LCK: variants seen among roughly 807,000 people sequenced by gnomAD.
LCK encodes LCK proto-oncogene, Src family tyrosine kinase.
Under a neutral mutation model 64.6 loss-of-function variants are expected in LCK, and 14 were observed. The observed-to-expected ratio is 0.22, with a 90% confidence interval of 0.14 to 0.34. The LOEUF is 0.34. LCK is among the 10% of genes least tolerant of loss of function. The probability of loss-of-function intolerance (pLI) is 1.00; values close to 1 mark genes in which losing one functional copy is unlikely to be tolerated. For synonymous variants in LCK, 277 were observed against 263.6 expected, an observed-to-expected ratio of 1.05 and a Z score of -0.49; for missense variants, 434 against 668.1, an observed-to-expected ratio of 0.65 and a Z score of 3.86.
intron 1 of LCK, among the ~76,000 whole-genome samples, chr1:32,257,818 C>T (rs910049300): frequency 6.6e-6 from 1 of 152,128 alleles, no homozygotes; most frequent in Non-Finnish European, 1.5e-5. Flanking sequence ...TACTAAAATA[C>T]CAATTAGAAT....
intron 1 of LCK, among the ~76,000 whole-genome samples, chr1:32,270,799 G>A (rs1640060562): frequency 6.7e-6 from 1 of 148,596 alleles, no homozygotes; most frequent in South Asian, 2.1e-4. Flanking sequence ...TACCTCCTGG[G>A]TTTAAGCGAT....
At position 32,280,203 on chromosome 1, in the gene LCK, T is replaced by C; in HGVS notation, c.1320T>C (p.Pro440=). The change falls in exon 12 of 13, where the codon CCT becomes CCC. Residue 440 remains proline, a synonymous_variant. Coordinates refer to ENST00000336890, the MANE Select transcript of LCK (RefSeq NM_005356.5). ...AAATTGTCACCCACGGCCGCATCCC[T>C]TACCCAGGTTAGAGCCAAGGGCAGG... ...LTEIVTHGRI[P]YPGMTNPEVI... 2 of 1,614,048 alleles carry C rather than the reference T, an allele frequency of 1.2e-6. No homozygotes were observed. Among genetic ancestry groups the C allele is most frequent in the Non-Finnish European group, 1.7e-6 (2 of 1,179,994 alleles).
intron 12 of LCK, among the ~76,000 whole-genome samples, chr1:32,281,604 A>G (rs950707066): frequency 6.6e-6 from 1 of 152,108 alleles, no homozygotes; most frequent in Non-Finnish European, 1.5e-5. Flanking sequence ...GAATTCAGCC[A>G]AGACAGGGAT....
intron 1 of LCK, among the ~76,000 whole-genome samples, chr1:32,256,970 G>A (rs1285435875): frequency 1.3e-5 from 2 of 152,164 alleles, no homozygotes; most frequent in African/African-American, 4.8e-5. Flanking sequence ...ACGTGAAAAG[G>A]TAGCCCGTGG....
At chr1:32,280,851 C>G (rs1328608853) in intron 12 of LCK, among the ~76,000 whole-genome samples, 5 of 152,214 alleles carry the variant, frequency 3.3e-5, no homozygotes, top group Admixed American at 6.5e-5. Context: ...AGATCTGCCA[C>G]TGTTGCTAAC....
intron 1 of LCK, among the ~76,000 whole-genome samples, chr1:32,265,102 G>A (rs1188833719): frequency 6.6e-6 from 1 of 151,908 alleles, no homozygotes; most frequent in African/African-American, 2.4e-5. Context: ...AGCTGCTCGG[G>A]AGGCTGAGGC....
At position 32,275,139 on chromosome 1, in the gene LCK, C is replaced by T; in HGVS notation, c.278+56C>T. ...GTCCGTGAGGGAGCGGCGATCTCCG[C>T]GACCCGCAGCCCTCCTGCGGCCCTT... On this transcript the variant is annotated intron_variant, in intron 4 of 12. Coordinates refer to ENST00000336890, the MANE Select transcript of LCK (RefSeq NM_005356.5). The surrounding 1 kb of genome is among the most constrained non-coding windows in gnomAD (Gnocchi z 6.9). 2 of 1,530,634 alleles carry T rather than the reference C, an allele frequency of 1.3e-6. No individual in the cohort carries two copies. The highest frequency in any genetic ancestry group is 9.0e-7 in the Non-Finnish European group (1 of 1,115,126). 94.8% of individuals were successfully genotyped at this position (1,530,634 alleles called of 1,614,324 possible).
chr1:32,266,604 C>T (rs573789447), intron 1 of LCK, among the ~76,000 whole-genome samples: 7 of 149,320 alleles, frequency 4.7e-5, no homozygotes, highest in African/African-American at 1.2e-4. Context: ...CCTCCTCCTC[C>T]GCCACCACCA....
chr1:32,281,469 AAAAAAG>A lies in LCK; in HGVS notation c.1327+1277_1327+1282del, dbSNP rs887309727. 1.5e-4 allele frequency among the ~76,000 whole-genome samples: 22 copies of A among 151,508 alleles called. No individual in the cohort carries two copies. The East Asian group carries it at 3.3e-3, about 23-fold the overall frequency. On this transcript the variant is annotated intron_variant, in intron 12 of 12. Coordinates refer to ENST00000336890, the MANE Select transcript of LCK (RefSeq NM_005356.5). ...AGAGAGAATTTGTCTCAAAAAAAAA[AAAAAAG>A]AAAAAGAAAAAGAAAAAAGAAAAAA...
chr1:32,278,697 G>A (rs1640357396), intron 9 of LCK, among the ~76,000 whole-genome samples: 1 of 152,162 alleles, frequency 6.6e-6, no homozygotes, highest in African/African-American at 2.4e-5. Flanking sequence ...GGATTCTGAG[G>A]TTCATTGGAA....
At chr1:32,253,225 C>G (rs550632216) in intron 1 of LCK, among the ~76,000 whole-genome samples, 3 of 152,172 alleles carry the variant, frequency 2.0e-5, no homozygotes, top group African/African-American at 7.2e-5. Context: ...ATTAGCCGAG[C>G]GTGGTGGCAG....
chr1:32,276,938 C>T lies in LCK; in HGVS notation c.964+152C>T, dbSNP rs960006829. On this transcript the variant is annotated intron_variant, in intron 9 of 12. Coordinates refer to ENST00000336890, the MANE Select transcript of LCK (RefSeq NM_005356.5). The surrounding 1 kb of genome is among the most constrained non-coding windows in gnomAD (Gnocchi z 4.6). ...CCCTGGAGACTCACCTCCAGCCGGG[C>T]GCGGTGGCTCAGGCCTGTAATCCCA... The T allele has an allele frequency of 1.3e-6, 1 of 776,294 alleles. No individual in the cohort carries two copies. 48.1% of individuals were successfully genotyped at this position (776,294 alleles called of 1,614,324 possible). A position where few individuals can be genotyped will look rare whatever the true frequency, so the allele number is the denominator to read the frequency against.
At position 32,251,761 on chromosome 1, in the gene LCK, T is replaced by C. The variant is rs1037168049; in HGVS notation, c.-6+390T>C. On this transcript the variant is annotated intron_variant, in intron 1 of 12. Coordinates refer to ENST00000336890, the MANE Select transcript of LCK (RefSeq NM_005356.5). The surrounding 1 kb of genome is among the most constrained non-coding windows in gnomAD (Gnocchi z 4.0). ...TGCCCACGGTTTCTCAGCAAGGCAG[T>C]GGCAGGGCTGAGAGTGATGGCTGAG... 1.3e-5 allele frequency among the ~76,000 whole-genome samples: 2 copies of C among 152,124 alleles called. No homozygotes were observed. Among genetic ancestry groups the C allele is most frequent in the African/African-American group, 2.4e-5 (1 of 41,446 alleles).
In LCK at chr1:32,275,342, G is replaced by T; in HGVS notation, c.300G>T (p.Ala100=). 1 of 1,614,182 alleles carries T rather than the reference G, an allele frequency of 6.2e-7. No homozygotes were observed. Among genetic ancestry groups the T allele is most frequent in the Non-Finnish European group, 8.5e-7 (1 of 1,180,022 alleles). ...GCAGGAGCGGCGAGTGGTGGAAGGC[G>T]CAGTCCCTGACCACGGGCCAGGAAG... ...ILEQSGEWWK[A]QSLTTGQEGF... Residue 100 remains alanine (A), a synonymous_variant, in exon 5 of 13, where the codon GCG becomes GCT. Coordinates refer to ENST00000336890, the MANE Select transcript of LCK (RefSeq NM_005356.5). The surrounding 1 kb of genome is among the most constrained non-coding windows in gnomAD (Gnocchi z 6.9).
chr1:32,262,868 G>GAAAAAAAAAAAAAAAAAAAAAGAAAA, intron 1 of LCK, among the ~76,000 whole-genome samples: 1 of 85,578 alleles, frequency 1.2e-5, no homozygotes, highest in African/African-American at 3.7e-5. Context: ...GAGGAAGGGA[G>GAAAAAAAAAAAAAAAAAAAAAGAAAA]AAAAAAAAAA....
Position 32,275,816 on chromosome 1 carries a change from G to A in LCK, c.482-98G>A, listed in dbSNP as rs1640249067. On this transcript the variant is annotated intron_variant, in intron 6 of 12. Coordinates refer to ENST00000336890, the MANE Select transcript of LCK (RefSeq NM_005356.5). The surrounding 1 kb of genome is among the most constrained non-coding windows in gnomAD (Gnocchi z 6.9). ...CCGAGGTGGGGGCGCGGGATGACCC[G>A]GAGTTGGGGGTGCTGGGTGAGCCCA... is the stretch of plus-strand genomic sequence containing the variant. 1.4e-6 allele frequency: 2 copies of A among 1,478,386 alleles called. No individual in the cohort carries two copies. The highest frequency in any genetic ancestry group is 1.8e-6 in the Non-Finnish European group (2 of 1,088,410). The allele number at this position is 1,478,386 out of a possible 1,614,324, so 91.6% of individuals were successfully genotyped here.
chr1:32,270,148 C>T (rs1244298099), intron 1 of LCK, among the ~76,000 whole-genome samples: 3 of 151,970 alleles, frequency 2.0e-5, no homozygotes, highest in African/African-American at 7.3e-5. Context: ...TCTCTGTCAC[C>T]CAAGTTGGAG....
chr1:32,271,057 G>A (rs1018795167), intron 1 of LCK, among the ~76,000 whole-genome samples: 1 of 144,342 alleles, frequency 6.9e-6, no homozygotes, highest in South Asian at 2.2e-4. Flanking sequence ...CTGGAGTGCA[G>A]TGGCACAATC....
chr1:32,274,137 C>A, intron 1 of LCK, 188 bp from the exon 2 acceptor site: 1 of 1,287,734 alleles, frequency 7.8e-7, no homozygotes, highest in Non-Finnish European at 1.0e-6. Context: ...AGCCTGAGGG[C>A]TCAGAGGGAG....
Sources: allele counts gnomAD v4.1 joint callset (sites outside exome capture counted in the v4.1 genomes callset), GRCh38; gene constraint gnomAD v4.1.1; non-coding constraint Gnocchi (gnomAD v3.1); transcripts MANE v1.5; gene names NCBI Gene and HGNC (gene_info 2026-07-23, HGNC 2026-07-21).